Variants in ALPK1 observed in about 807,000 individuals in gnomAD.
The protein encoded by ALPK1 is alpha-protein kinase 1.
Under a neutral mutation model 120.6 loss-of-function variants are expected in ALPK1, and 110 were observed. The ratio of observed to expected loss-of-function variants is 0.91; its 90% CI spans 0.78 to 1.07. The LOEUF is 1.07. Among genes scored for constraint, ALPK1 ranks in the 50% least tolerant of loss-of-function variants. The pLI, the probability that ALPK1 is intolerant of heterozygous loss-of-function variation, is 0.00. For missense variants in ALPK1, 1,498 were observed against 1,483.9 expected (o/e 1.01, Z -0.16); for synonymous variants, 582 against 560.3 (o/e 1.04, Z -0.55).
chr4:112,409,593 G>A (rs1468694332), intron 4 of ALPK1, among the ~76,000 whole-genome samples: 4 of 151,918 alleles, frequency 2.6e-5, no homozygotes, highest in Non-Finnish European at 5.9e-5. Flanking sequence ...CATGTAGGGC[G>A]GCTTACTAGA....
intron 2 of ALPK1, chr4:112,357,763 G>A (rs548363099): frequency 1.9e-5 from 22 of 1,162,842 alleles, no homozygotes; most frequent in Admixed American, 1.4e-4. Flanking sequence ...GGGCAACATC[G>A]CCCGCATGGT....
rs1327032258 is a variant in ALPK1 at position 112,431,697 on chromosome 4, A to G, written c.2150A>G (p.Tyr717Cys). Residue 717 changes from tyrosine to cysteine, a missense_variant, in exon 11 of 16, where the codon TAT becomes TGT. By Grantham distance (194) the Tyr-to-Cys change is radical. Transcript: ENST00000650871. ...ACTTCTGCTCACTCCAGACCCTCAT[A>G]TCGTTCTGCTTCTTGGTCTTCTGAT... Reference protein sequence around the residue: ...RNTSAHSRPSYRSASWSSDSG... With the variant: ...RNTSAHSRPSCRSASWSSDSG... 3.7e-6 allele frequency: 6 copies of G among 1,614,048 alleles called. No homozygotes were observed. In the Admixed American group the frequency reaches 5.0e-5, roughly 13 times the overall value.
At chr4:112,392,715 T>A (rs890194697) in intron 4 of ALPK1, among the ~76,000 whole-genome samples, 1 of 152,086 alleles carries the variant, frequency 6.6e-6, no homozygotes, top group Admixed American at 6.5e-5. Flanking sequence ...TTTGTAGAGA[T>A]GGGTTTCCCA....
At position 112,326,180 on chromosome 4, in the gene ALPK1, A is replaced by C. The variant is rs181692465; in HGVS notation, c.-101+10328A>C. Among the ~76,000 whole-genome samples, 9 of 152,208 alleles carry C rather than the reference A, an allele frequency of 5.9e-5. No homozygotes were observed. The South Asian group carries it at 8.3e-4, about 14-fold the overall frequency. On this transcript the variant is annotated intron_variant, in intron 2 of 15. Coordinates refer to ENST00000650871, the MANE Select transcript of ALPK1 (RefSeq NM_025144.4). The stretch of plus-strand genomic sequence containing the variant: ...CCTTCCCAACATCCCATTTTTACAT[A>C]ATTTATTTTTCCTTGACTTGAGATT...
At chr4:112,423,878 A>T in intron 5 of ALPK1, 66 bp from the exon 6 acceptor site, 1 of 1,517,586 alleles carries the variant, frequency 6.6e-7, no homozygotes, top group African/African-American at 1.4e-5. Context: ...TTAGAACATG[A>T]ACAACTTGTA....
intron 1 of ALPK1, among the ~76,000 whole-genome samples, chr4:112,304,077 A>G (rs1727913256): frequency 6.6e-6 from 1 of 151,884 alleles, no homozygotes; most frequent in African/African-American, 2.4e-5. Flanking sequence ...AAGGACATGA[A>G]CTCATCCTTT....
rs189147929 is a variant in ALPK1 at position 112,354,721 on chromosome 4, G to A, written c.-100-22957G>A. On this transcript the variant is annotated intron_variant, in intron 2 of 15. Coordinates refer to ENST00000650871, the MANE Select transcript of ALPK1 (RefSeq NM_025144.4). Reference sequence around the variant, plus strand: ...GGCCTCAAGTGATCCACCCACTTCCGCCTCCCAAAGTGCTGGGATTACAGG... The same window carrying A: ...GGCCTCAAGTGATCCACCCACTTCCACCTCCCAAAGTGCTGGGATTACAGG... Among the ~76,000 whole-genome samples the A allele has an allele frequency of 4.3e-3, 656 of 152,226 alleles. 4 individuals carry two copies. The highest frequency in any genetic ancestry group is 0.014 in the African/African-American group (595 of 41,524).
chr4:112,376,923 T>A (rs1731688422), intron 2 of ALPK1, among the ~76,000 whole-genome samples: 1 of 152,228 alleles, frequency 6.6e-6, no homozygotes, highest in African/African-American at 2.4e-5. Flanking sequence ...AATAATGTTT[T>A]TCTATGAATT....
intron 4 of ALPK1, among the ~76,000 whole-genome samples, chr4:112,399,660 C>T (rs991249901): frequency 6.6e-6 from 1 of 152,050 alleles, no homozygotes; most frequent in Admixed American, 6.6e-5. Context: ...ATACATGTGC[C>T]ATGGTGGTTT....
At chr4:112,428,745 A>G (rs1298083549) in intron 9 of ALPK1, among the ~76,000 whole-genome samples, 2 of 152,196 alleles carry the variant, frequency 1.3e-5, no homozygotes, top group African/African-American at 2.4e-5. Context: ...CCCTGTGTCT[A>G]GAACAGGCCC....
intron 2 of ALPK1, among the ~76,000 whole-genome samples, chr4:112,377,437 C>T (rs1054068195): frequency 7.9e-5 from 12 of 152,278 alleles, no homozygotes; most frequent in East Asian, 1.9e-4. Flanking sequence ...ACTCCACTGA[C>T]GTCACTGTGG....
At position 112,353,560 on chromosome 4, in the gene ALPK1, T is replaced by C. The variant is rs1305058745; in HGVS notation, c.-100-24118T>C. On this transcript the variant is annotated intron_variant, in intron 2 of 15. Coordinates refer to ENST00000650871, the MANE Select transcript of ALPK1 (RefSeq NM_025144.4). Reference sequence around the variant, plus strand: ...GATGATTGTTATTATCCATTTACTTTTTTTTCAATCAAGAAGTTGCAAAGG... The same window carrying C: ...GATGATTGTTATTATCCATTTACTTCTTTTTCAATCAAGAAGTTGCAAAGG... 2.6e-5 allele frequency among the ~76,000 whole-genome samples: 4 copies of C among 152,162 alleles called. No homozygotes were observed. The East Asian group carries it at 7.7e-4, about 29-fold the overall frequency.
chr4:112,338,519 T>C (rs1729724899), intron 2 of ALPK1, among the ~76,000 whole-genome samples: 1 of 151,896 alleles, frequency 6.6e-6, no homozygotes, highest in African/African-American at 2.4e-5. Flanking sequence ...AAACAGACAA[T>C]CGAAAAAAAT....
At chr4:112,398,038 T>C (rs905673381) in intron 4 of ALPK1, among the ~76,000 whole-genome samples, 1 of 152,000 alleles carries the variant, frequency 6.6e-6, no homozygotes, top group Non-Finnish European at 1.5e-5. Flanking sequence ...TCTAATATGA[T>C]TGTAGAGGAA....
chr4:112,327,634 C>G (rs1267609977), intron 2 of ALPK1, among the ~76,000 whole-genome samples: 1 of 151,990 alleles, frequency 6.6e-6, no homozygotes, highest in Admixed American at 6.6e-5. Flanking sequence ...GAGATGGGGT[C>G]TCTACAAACA....
chr4:112,308,919 G>A (rs1728257862), intron 1 of ALPK1, among the ~76,000 whole-genome samples: 2 of 151,456 alleles, frequency 1.3e-5, no homozygotes, highest in African/African-American at 4.9e-5. Context: ...CGTACAGATG[G>A]GGTTTTGGTG....
intron 2 of ALPK1, among the ~76,000 whole-genome samples, chr4:112,336,009 A>ACCAC (rs1729605548): frequency 6.6e-6 from 1 of 152,080 alleles, no homozygotes; most frequent in Non-Finnish European, 1.5e-5. Flanking sequence ...AAACCAACCA[A>ACCAC]CCAACCAACC....
At chr4:112,345,789 A>C (rs1730075109) in intron 2 of ALPK1, among the ~76,000 whole-genome samples, 1 of 152,230 alleles carries the variant, frequency 6.6e-6, no homozygotes, top group Non-Finnish European at 1.5e-5. Flanking sequence ...ATTTCTCCCC[A>C]GCTCCATGCC....
chr4:112,378,003 C>T, intron 3 of ALPK1, 105 bp downstream of exon 3: 2 of 1,197,558 alleles, frequency 1.7e-6, no homozygotes, highest in Non-Finnish European at 2.1e-6. Context: ...CTTCTCTTGG[C>T]AGATGACCAC....
Sources: gnomAD v4.1 joint callset for allele counts (sites outside exome capture counted in the v4.1 genomes callset) on GRCh38, gnomAD v4.1.1 for gene constraint, MANE v1.5 for transcripts, NCBI Gene and HGNC (gene_info 2026-07-23, HGNC 2026-07-21) for gene names.